Variants in EML4 observed in about 807,000 individuals in gnomAD.
The protein encoded by EML4 is echinoderm microtubule-associated protein-like 4.
A neutral mutation model predicts 129.0 loss-of-function variants in EML4; 72 were observed. The observed-to-expected ratio is 0.56, with a 90% CI of 0.46 to 0.68. EML4 has a LOEUF of 0.68. EML4 is among the 30% of genes least tolerant of loss of function. EML4 has a pLI of 0.00. For missense variants in EML4, 1,363 were observed against 1,190.6 expected (o/e 1.14, Z -2.13); for synonymous variants, 532 against 405.0 (o/e 1.31, Z -3.77).
chr2:42,200,594 TGAAAA>T (rs1304129364), intron 1 of EML4, among the ~76,000 whole-genome samples: 2 of 152,224 alleles, frequency 1.3e-5, no homozygotes, highest in African/African-American at 4.8e-5. Context: ...TTTCTCCAGT[TGAAAA>T]GATGGTTTCA....
At chr2:42,179,932 G>A (rs1290781970) in intron 1 of EML4, among the ~76,000 whole-genome samples, 2 of 152,102 alleles carry the variant, frequency 1.3e-5, no homozygotes, top group Non-Finnish European at 1.5e-5. Context: ...ACAGATACGT[G>A]TACATATAGA....
At chr2:42,253,286 G>A (rs1558542742) in intron 2 of EML4, among the ~76,000 whole-genome samples, 1 of 152,166 alleles carries the variant, frequency 6.6e-6, no homozygotes, top group Non-Finnish European at 1.5e-5. Flanking sequence ...GTAGTGGAGA[G>A]CCACTAAAGA....
Position 42,331,400 on chromosome 2 carries a change from G to A in EML4, c.*1193G>A, listed in dbSNP as rs80135717. The A allele has an allele frequency of 7.7e-3, 1,730 of 224,156 alleles. 27 individuals carry two copies. The highest frequency in any genetic ancestry group is 0.036 in the African/African-American group (1,627 of 44,864). 13.9% of individuals were successfully genotyped at this position (224,156 alleles called of 1,614,324 possible). On this transcript the variant is annotated 3_prime_UTR_variant, in exon 23 of 23. Coordinates refer to ENST00000318522, the MANE Select transcript of EML4 (RefSeq NM_019063.5). Reference sequence around the variant, plus strand: ...TTGGGCAATGCATGTATTATGCATTGGAAAGGTATTTTTTTTAAGTTCTGT... The same window carrying A: ...TTGGGCAATGCATGTATTATGCATTAGAAAGGTATTTTTTTTAAGTTCTGT...
intron 19 of EML4, among the ~76,000 whole-genome samples, chr2:42,322,773 T>C (rs1394849098): frequency 1.3e-5 from 2 of 152,224 alleles, no homozygotes; most frequent in Non-Finnish European, 2.9e-5. Flanking sequence ...TGCATTAGCC[T>C]GTGACTTGGG....
chr2:42,329,154 G>A (rs1422119423), intron 22 of EML4, 138 bp downstream of exon 22: 4 of 760,698 alleles, frequency 5.3e-6, no homozygotes, highest in African/African-American at 1.8e-5. Flanking sequence ...GGCCATCGGT[G>A]AGCATCCATC....
chr2:42,201,988 CA>C (rs780832940), intron 1 of EML4, among the ~76,000 whole-genome samples: 2 of 151,800 alleles, frequency 1.3e-5, no homozygotes, highest in Admixed American at 6.6e-5. Context: ...GAGGCTGAGG[CA>C]GGAGACTCGC....
intron 13 of EML4, among the ~76,000 whole-genome samples, chr2:42,296,745 C>T (rs1667979368): frequency 6.6e-6 from 1 of 152,262 alleles, no homozygotes; most frequent in East Asian, 1.9e-4. Context: ...TTGATGAAAG[C>T]ACTGTTTTCA....
At chr2:42,321,516 C>T (rs1361376637) in intron 19 of EML4, among the ~76,000 whole-genome samples, 2 of 152,114 alleles carry the variant, frequency 1.3e-5, no homozygotes, top group Admixed American at 1.3e-4. Flanking sequence ...TCCTCAACAT[C>T]ATAACATGCT....
At chr2:42,259,144 A>T (rs1279782107) in intron 3 of EML4, among the ~76,000 whole-genome samples, 8 of 151,272 alleles carry the variant, frequency 5.3e-5, no homozygotes, top group Non-Finnish European at 1.2e-4. Context: ...CTGCTGGGGA[A>T]GCTGAGGTGG....
chr2:42,179,616 G>A (rs1553357422), intron 1 of EML4, among the ~76,000 whole-genome samples: 1 of 151,946 alleles, frequency 6.6e-6, no homozygotes, highest in East Asian at 1.9e-4. Flanking sequence ...TTTTTGTTTT[G>A]TTTTGAGATG....
At chr2:42,323,819 C>T (rs1255130350) in intron 19 of EML4, among the ~76,000 whole-genome samples, 3 of 150,550 alleles carry the variant, frequency 2.0e-5, no homozygotes, top group African/African-American at 7.3e-5. Context: ...TGATGCGCAC[C>T]TGTAGTCCCA....
At chr2:42,203,833 A>T (rs544773272) in intron 1 of EML4, among the ~76,000 whole-genome samples, 1 of 151,976 alleles carries the variant, frequency 6.6e-6, no homozygotes, top group African/African-American at 2.4e-5. Flanking sequence ...TATAGTAACT[A>T]TAGTGGTAAT....
chr2:42,187,036 C>G (rs1397007896), intron 1 of EML4, among the ~76,000 whole-genome samples: 1 of 116,632 alleles, frequency 8.6e-6, no homozygotes, highest in Non-Finnish European at 1.7e-5. Flanking sequence ...TTTTTCTTCT[C>G]CTTTTTTTGG....
chr2:42,319,669 A>AG (rs1669420870), intron 19 of EML4: 2 of 152,302 alleles, frequency 1.3e-5, no homozygotes, highest in African/African-American at 4.8e-5. Context: ...TTGTGACTTT[A>AG]GGCAAGTTAA....
At chr2:42,307,626 C>A (rs1668685490) in intron 17 of EML4, among the ~76,000 whole-genome samples, 1 of 152,166 alleles carries the variant, frequency 6.6e-6, no homozygotes, top group Non-Finnish European at 1.5e-5. Flanking sequence ...AAAAGTCACA[C>A]CTAGGGTTAA....
chr2:42,320,830 C>A (rs1669479606), intron 19 of EML4, among the ~76,000 whole-genome samples: 1 of 151,986 alleles, frequency 6.6e-6, no homozygotes, highest in Non-Finnish European at 1.5e-5. Context: ...AAGATCTTAG[C>A]CCAGGAGACA....
chr2:42,211,850 C>A (rs1043131479), intron 1 of EML4, among the ~76,000 whole-genome samples: 1 of 151,896 alleles, frequency 6.6e-6, no homozygotes, highest in African/African-American at 2.4e-5. Context: ...TTCTTTCTTT[C>A]TTTTTTTATT....
At chr2:42,254,471 A>G (rs1008391471) in intron 2 of EML4, among the ~76,000 whole-genome samples, 8 of 151,612 alleles carry the variant, frequency 5.3e-5, no homozygotes, top group Admixed American at 3.9e-4. Context: ...AAAAAAAAAA[A>G]GACTAAGAAA....
chr2:42,211,448 G>C (rs187786089), intron 1 of EML4, among the ~76,000 whole-genome samples: 1 of 152,318 alleles, frequency 6.6e-6, no homozygotes, highest in Non-Finnish European at 1.5e-5. Context: ...ACAGAACAAT[G>C]AATGAGGAAA....
Sources: allele counts gnomAD v4.1 joint callset (sites outside exome capture counted in the v4.1 genomes callset), GRCh38; gene constraint gnomAD v4.1.1; transcripts MANE v1.5; gene names NCBI Gene and HGNC (gene_info 2026-07-23, HGNC 2026-07-21).